The following NRXN3 variants were observed in gnomAD, a reference collection of about 807,000 sequenced individuals.
NRXN3 encodes the protein neurexin III.
In NRXN3, 32 loss-of-function variants were observed where a neutral mutation model predicts 137.6. The observed-to-expected ratio is 0.23, with a 90% CI of 0.18 to 0.31. The LOEUF (loss-of-function observed/expected upper bound fraction) is 0.31. Among genes scored for constraint, NRXN3 ranks in the 10% least tolerant of loss-of-function variants. NRXN3 has a pLI of 1.00. For missense variants in NRXN3, 1,574 were observed against 2,062.5 expected, an observed-to-expected ratio of 0.76 and a Z score of 4.59; for synonymous variants, 798 against 784.5, an observed-to-expected ratio of 1.02 and a Z score of -0.29.
intron 4 of NRXN3, among the ~76,000 whole-genome samples, chr14:78,345,111 G>A (rs1028779182): frequency 6.6e-6 from 1 of 152,224 alleles, no homozygotes; most frequent in African/African-American, 2.4e-5. Context: ...GCGCATGTGT[G>A]TGTGTACATG....
At chr14:78,360,948 A>T (rs1013147422) in intron 4 of NRXN3, among the ~76,000 whole-genome samples, 9 of 152,176 alleles carry the variant, frequency 5.9e-5, no homozygotes, top group African/African-American at 7.2e-5. Flanking sequence ...GGTATATGTC[A>T]TCCTCCCAAC....
At chr14:79,602,717 T>C (rs757873266) in intron 16 of NRXN3, among the ~76,000 whole-genome samples, 8 of 152,046 alleles carry the variant, frequency 5.3e-5, no homozygotes, top group Non-Finnish European at 7.4e-5. Flanking sequence ...CTAGAAGATA[T>C]TTGAAAATTA....
chr14:78,589,846 C>G (rs979114747), intron 4 of NRXN3, among the ~76,000 whole-genome samples: 2 of 152,066 alleles, frequency 1.3e-5, no homozygotes, highest in African/African-American at 4.8e-5. Flanking sequence ...AATCAAATGG[C>G]CTTAAATTTG....
intron 15 of NRXN3, among the ~76,000 whole-genome samples, chr14:79,453,176 C>T (rs1287715220): frequency 6.6e-6 from 1 of 151,970 alleles, no homozygotes; most frequent in African/African-American, 2.4e-5. Flanking sequence ...ACCTGTAATC[C>T]CAGAACTTTG....
At chr14:79,503,191 C>T (rs17109317) in intron 16 of NRXN3, among the ~76,000 whole-genome samples, 2,402 of 152,066 alleles carry the variant, frequency 0.016, 112 homozygotes, top group East Asian at 0.15. Flanking sequence ...AATTTTTCCC[C>T]TTTGTTGATT....
chr14:79,022,823 G>A (rs1370295683), intron 15 of NRXN3, among the ~76,000 whole-genome samples: 1 of 152,128 alleles, frequency 6.6e-6, no homozygotes, highest in Non-Finnish European at 1.5e-5. Context: ...CAGGACTGCA[G>A]CCACCATGTC....
At chr14:79,122,967 A>G (rs1254851529) in intron 15 of NRXN3, among the ~76,000 whole-genome samples, 1 of 152,232 alleles carries the variant, frequency 6.6e-6, no homozygotes, top group East Asian at 1.9e-4. Flanking sequence ...GACTCTAAAT[A>G]ATTTCATGAA....
At chr14:78,442,710 C>T (rs527310681) in intron 4 of NRXN3, among the ~76,000 whole-genome samples, 46 of 152,280 alleles carry the variant, frequency 3.0e-4, no homozygotes, top group Admixed American at 7.8e-4. Flanking sequence ...CAATCCAAGT[C>T]CTGTTACTCC....
chr14:79,161,962 T>C (rs552090903), intron 15 of NRXN3, among the ~76,000 whole-genome samples: 2 of 152,026 alleles, frequency 1.3e-5, no homozygotes, highest in South Asian at 4.1e-4. Context: ...GTTCAAAGTC[T>C]AAGAACATCT....
intron 2 of NRXN3, among the ~76,000 whole-genome samples, chr14:78,257,846 CAATG>C (rs1008253922): frequency 6.6e-6 from 1 of 152,006 alleles, no homozygotes; most frequent in Admixed American, 6.5e-5. Flanking sequence ...CCAGTTTGTA[CAATG>C]GATTGATGAT....
chr14:79,661,277 G>A (rs1199149872), intron 16 of NRXN3, among the ~76,000 whole-genome samples: 1 of 152,122 alleles, frequency 6.6e-6, no homozygotes, highest in Non-Finnish European at 1.5e-5. Flanking sequence ...AGAACATGGG[G>A]ATTGCAGACA....
At chr14:78,337,488 C>T (rs1408957045) in intron 4 of NRXN3, among the ~76,000 whole-genome samples, 1 of 152,044 alleles carries the variant, frequency 6.6e-6, no homozygotes, top group Non-Finnish European at 1.5e-5. Flanking sequence ...AACAGCTAAC[C>T]AGCTTTGGGG....
chr14:79,329,494 G>C (rs2091373819), intron 15 of NRXN3, among the ~76,000 whole-genome samples: 1 of 152,202 alleles, frequency 6.6e-6, no homozygotes, highest in South Asian at 2.1e-4. Flanking sequence ...GGTTTTGCAA[G>C]CCATATGGTC....
intron 14 of NRXN3, among the ~76,000 whole-genome samples, chr14:78,968,667 A>G (rs941689991): frequency 3.3e-5 from 5 of 152,242 alleles, no homozygotes; most frequent in African/African-American, 9.6e-5. Context: ...AATGGCTGAA[A>G]CAGCACTGGA....
At chr14:79,167,028 T>C (rs918951970) in intron 15 of NRXN3, among the ~76,000 whole-genome samples, 4 of 151,978 alleles carry the variant, frequency 2.6e-5, no homozygotes, top group Non-Finnish European at 5.9e-5. Flanking sequence ...TGCAGTGAGA[T>C]ACTAAGAAGT....
chr14:79,351,094 A>G (rs187932911), intron 15 of NRXN3, among the ~76,000 whole-genome samples: 4 of 152,124 alleles, frequency 2.6e-5, no homozygotes, highest in Non-Finnish European at 5.9e-5. Flanking sequence ...TCAAACTTTC[A>G]ACTAATGGTC....
At chr14:79,694,705 T>G (rs116448406) in intron 18 of NRXN3, among the ~76,000 whole-genome samples, 1,600 of 152,008 alleles carry the variant, frequency 0.011, 19 homozygotes, top group African/African-American at 0.034. Context: ...AGTGATGGTT[T>G]TTTCTGTTAT....
At chr14:78,550,281 C>G (rs2096674518) in intron 4 of NRXN3, among the ~76,000 whole-genome samples, 1 of 152,136 alleles carries the variant, frequency 6.6e-6, no homozygotes, top group South Asian at 2.1e-4. Flanking sequence ...CCACGTGCTT[C>G]TGCCTCCCAC....
intron 14 of NRXN3, among the ~76,000 whole-genome samples, chr14:78,980,276 T>C (rs536060097): frequency 1.3e-5 from 2 of 152,350 alleles, no homozygotes; most frequent in East Asian, 1.9e-4. Context: ...CTGTCACTTC[T>C]CCTTTTCTCC....
Sources: gnomAD v4.1 joint callset for allele counts (sites outside exome capture counted in the v4.1 genomes callset) on GRCh38, gnomAD v4.1.1 for gene constraint, MANE v1.5 for transcripts, NCBI Gene and HGNC (gene_info 2026-07-23, HGNC 2026-07-21) for gene names.